NBEA: variants seen among roughly 807,000 people sequenced by gnomAD.
NBEA encodes neurobeachin.
A neutral mutation model predicts 343.4 loss-of-function variants in NBEA; 44 were observed. The observed-to-expected ratio is 0.13, with a 90% CI of 0.10 to 0.16. The LOEUF (loss-of-function observed/expected upper bound fraction) is 0.16, where lower values mean the gene tolerates loss of function less well. NBEA is among the 10% of genes least tolerant of loss of function. The pLI, the probability that NBEA is intolerant of heterozygous loss-of-function variation, is 1.00. For synonymous variants in NBEA, 1,175 were observed against 1,238.7 expected (o/e 0.95, Z 1.08); for missense variants, 2,555 against 3,631.3 (o/e 0.70, Z 7.62).
chr13:35,303,703 T>A (rs990530140), intron 35 of NBEA, among the ~76,000 whole-genome samples: 16 of 152,272 alleles, frequency 1.1e-4, no homozygotes, highest in African/African-American at 3.8e-4. Context: ...TCACCTTTCA[T>A]CTCTTGTAAT....
At chr13:35,238,128 A>T (rs889436930) in intron 34 of NBEA, among the ~76,000 whole-genome samples, 1 of 152,232 alleles carries the variant, frequency 6.6e-6, no homozygotes, top group Non-Finnish European at 1.5e-5. Context: ...ATAGGTATGT[A>T]TGCAAGTATC....
intron 1 of NBEA, among the ~76,000 whole-genome samples, chr13:34,945,044 G>A (rs1281603478): frequency 6.6e-6 from 1 of 152,068 alleles, no homozygotes; most frequent in Non-Finnish European, 1.5e-5. Flanking sequence ...ATGAAAATCT[G>A]ACATGAAGTT....
At chr13:35,462,262 G>GA (rs926710057) in intron 40 of NBEA, among the ~76,000 whole-genome samples, 6 of 151,878 alleles carry the variant, frequency 4.0e-5, no homozygotes, top group Admixed American at 2.0e-4. Context: ...AAGAGATAAT[G>GA]AAAAAAATAG....
At chr13:35,246,032 A>G (rs995907911) in intron 34 of NBEA, among the ~76,000 whole-genome samples, 8 of 152,188 alleles carry the variant, frequency 5.3e-5, no homozygotes, top group African/African-American at 1.7e-4. Context: ...CAAAAACCTT[A>G]TCTTCAAGCT....
intron 34 of NBEA, among the ~76,000 whole-genome samples, chr13:35,282,030 A>G (rs1311413781): frequency 6.6e-6 from 1 of 151,716 alleles, no homozygotes; most frequent in Non-Finnish European, 1.5e-5. Context: ...CTCCTGCCTC[A>G]GTCTCCCGAG....
chr13:35,008,708 C>T (rs2152531125), intron 1 of NBEA, among the ~76,000 whole-genome samples: 1 of 152,332 alleles, frequency 6.6e-6, no homozygotes, highest in South Asian at 2.1e-4. Flanking sequence ...TCATCAACCC[C>T]TGGCAGTCCA....
At chr13:35,258,567 T>G (rs968402824) in intron 34 of NBEA, among the ~76,000 whole-genome samples, 14 of 151,906 alleles carry the variant, frequency 9.2e-5, no homozygotes, top group African/African-American at 2.7e-4. Flanking sequence ...CAGAATAGGT[T>G]TAGCCCATCC....
chr13:35,075,273 A>G (rs2064062870), intron 10 of NBEA, among the ~76,000 whole-genome samples: 1 of 152,156 alleles, frequency 6.6e-6, no homozygotes, highest in Admixed American at 6.6e-5. Context: ...CATGTAAAGT[A>G]TCTGTCATAG....
At chr13:34,964,396 C>A (rs192022331) in intron 1 of NBEA, among the ~76,000 whole-genome samples, 1 of 151,784 alleles carries the variant, frequency 6.6e-6, no homozygotes, top group African/African-American at 2.4e-5. Flanking sequence ...CATAATTTGC[C>A]CCTGCCTGTC....
At position 35,663,622 on chromosome 13, in the gene NBEA, ACT is replaced by A. The variant is rs2085209745; in HGVS notation, c.8363-1460_8363-1459del. On this transcript the variant is annotated intron_variant, in intron 55 of 58. Coordinates refer to ENST00000379939, the MANE Select transcript of NBEA (RefSeq NM_001385012.1). ...TTTGCTGATTTCCTTTGTTTGGAAA[ACT>A]CTTATCAATGCTTAAAGCTTATTTT... Among the ~76,000 whole-genome samples the A allele has an allele frequency of 2.6e-5, 4 of 151,468 alleles. No individual in the cohort carries two copies. In the South Asian group the frequency reaches 8.4e-4, roughly 32 times the overall value.
rs189587051 is a variant in NBEA at position 34,966,770 on chromosome 13, C to T, written c.294+23656C>T. Among the ~76,000 whole-genome samples the T allele has an allele frequency of 1.6e-3, 241 of 151,772 alleles. 1 individual carries two copies. The highest frequency in any genetic ancestry group is 0.015 in the South Asian group (71 of 4,818). On this transcript the variant is annotated intron_variant, in intron 1 of 58. Transcript: ENST00000379939. ...ATATATGAGAGAATTCTATATATAA[C>T]AGATCATTATATTATTGTTTCTGCT...
chr13:35,466,480 C>A (rs1259707906), intron 40 of NBEA, among the ~76,000 whole-genome samples: 1 of 152,082 alleles, frequency 6.6e-6, no homozygotes, highest in African/African-American at 2.4e-5. Flanking sequence ...GCAAAAACAT[C>A]CTGTAACTAT....
At chr13:34,984,904 G>C (rs1442747747) in intron 1 of NBEA, among the ~76,000 whole-genome samples, 2 of 151,038 alleles carry the variant, frequency 1.3e-5, no homozygotes, top group Non-Finnish European at 3.0e-5. Context: ...CTGAGACTTT[G>C]CTGAAGTTGC....
chr13:34,960,755 C>G (rs192639568), intron 1 of NBEA, among the ~76,000 whole-genome samples: 1 of 152,144 alleles, frequency 6.6e-6, no homozygotes, highest in African/African-American at 2.4e-5. Flanking sequence ...GTGGGCTGTT[C>G]CATCTAAGTT....
At chr13:35,439,534 G>T (rs1179989837) in intron 39 of NBEA, among the ~76,000 whole-genome samples, 1 of 152,136 alleles carries the variant, frequency 6.6e-6, no homozygotes, top group East Asian at 1.9e-4. Flanking sequence ...TTGATGACAA[G>T]TCACTTCATA....
intron 38 of NBEA, among the ~76,000 whole-genome samples, chr13:35,388,434 A>C (rs1018991215): frequency 6.6e-6 from 1 of 152,100 alleles, no homozygotes; most frequent in Non-Finnish European, 1.5e-5. Context: ...ATTCCCCCCA[A>C]TTCTAAAAAA....
intron 49 of NBEA, among the ~76,000 whole-genome samples, chr13:35,637,872 A>G (rs761727827): frequency 3.9e-5 from 6 of 152,048 alleles, no homozygotes; most frequent in Non-Finnish European, 8.8e-5. Flanking sequence ...CCGTGGATAG[A>G]TGAATGGATA....
chr13:35,129,094 A>T (rs1227947980), intron 17 of NBEA, among the ~76,000 whole-genome samples: 1 of 151,592 alleles, frequency 6.6e-6, no homozygotes, highest in East Asian at 1.9e-4. Context: ...TAGCATTAGG[A>T]GATATACCTA....
chr13:35,431,031 A>G (rs1594614527), intron 38 of NBEA, among the ~76,000 whole-genome samples: 2 of 152,142 alleles, frequency 1.3e-5, no homozygotes, highest in Non-Finnish European at 2.9e-5. Context: ...AAAATTATAT[A>G]GCCATAAAAT....
Sources: gnomAD v4.1 joint callset for allele counts (sites outside exome capture counted in the v4.1 genomes callset) on GRCh38, gnomAD v4.1.1 for gene constraint, MANE v1.5 for transcripts, NCBI Gene and HGNC (gene_info 2026-07-23, HGNC 2026-07-21) for gene names.